PCCA: variants seen among roughly 807,000 people sequenced by gnomAD.
The protein encoded by PCCA is propionyl-CoA carboxylase subunit alpha.
Under a neutral mutation model 101.3 loss-of-function variants are expected in PCCA, and 74 were observed. That is an observed-to-expected ratio of 0.73 (90% confidence interval 0.61 to 0.89). The LOEUF (loss-of-function observed/expected upper bound fraction) is 0.89, where lower values mean the gene tolerates loss of function less well. PCCA is among the 40% of genes least tolerant of loss of function. The pLI, the probability that PCCA is intolerant of heterozygous loss-of-function variation, is 0.00. For missense variants in PCCA, 891 were observed against 907.0 expected, an observed-to-expected ratio of 0.98 and a Z score of 0.23; for synonymous variants, 294 against 313.6, an observed-to-expected ratio of 0.94 and a Z score of 0.66.
At chr13:100,471,818 C>T (rs567298140) in intron 21 of PCCA, among the ~76,000 whole-genome samples, 15 of 152,280 alleles carry the variant, frequency 9.9e-5, no homozygotes, top group East Asian at 7.7e-4. Context: ...TTCCCAATGG[C>T]GGTGCTTCTC....
chr13:100,331,193 C>T (rs2152735047), intron 17 of PCCA, among the ~76,000 whole-genome samples: 1 of 152,212 alleles, frequency 6.6e-6, no homozygotes, highest in East Asian at 1.9e-4. Context: ...AAGTTATCAG[C>T]AAGCATTTCC....
chr13:100,314,741 G>T (rs761235768), intron 16 of PCCA, among the ~76,000 whole-genome samples: 7 of 152,194 alleles, frequency 4.6e-5, no homozygotes, highest in Non-Finnish European at 8.8e-5. Flanking sequence ...CTTCAAACAT[G>T]TCAAGGTCAG....
intron 21 of PCCA, among the ~76,000 whole-genome samples, chr13:100,452,745 A>T (rs1373511868): frequency 6.6e-6 from 1 of 152,130 alleles, no homozygotes; most frequent in Non-Finnish European, 1.5e-5. Flanking sequence ...GGAAGTGATA[A>T]GCTCCTTGAG....
rs76027027 is a variant in PCCA at position 100,463,453 on chromosome 13, T to G, written c.1899+14148T>G. Among the ~76,000 whole-genome samples, 1,123 of 151,166 alleles carry G rather than the reference T, an allele frequency of 7.4e-3. 14 individuals are homozygous for G. The highest frequency in any genetic ancestry group is 0.026 in the African/African-American group (1,055 of 40,958). ...TACAATTCTATGTATTGGGCAGAAT[T>G]GAAGATAATTCTGAGATTTCTAGAG... On this transcript the variant is annotated intron_variant, in intron 21 of 23. Transcript: ENST00000376285.
intron 9 of PCCA, among the ~76,000 whole-genome samples, chr13:100,258,184 T>C (rs553956458): frequency 6.6e-6 from 1 of 152,214 alleles, no homozygotes; most frequent in Non-Finnish European, 1.5e-5. Context: ...CTGTGTCCTT[T>C]ATATGGAATG....
chr13:100,151,612 GAAAAC>G lies in PCCA; in HGVS notation c.301-3352_301-3348del, dbSNP rs896736005. Among the ~76,000 whole-genome samples, 26 of 150,836 alleles carry G rather than the reference GAAAAC, an allele frequency of 1.7e-4. No individual in the cohort carries two copies. The South Asian group carries it at 5.0e-3, about 29-fold the overall frequency. On this transcript the variant is annotated intron_variant, in intron 4 of 23. Transcript: ENST00000376285. ...TCTCAAAAAAAAAACCAAACAAACA[GAAAAC>G]AAAACAAAACAAAAAAAACCCTAAA...
At chr13:100,130,157 CACTTGAT>C (rs1174254832) in intron 4 of PCCA, among the ~76,000 whole-genome samples, 16 of 152,174 alleles carry the variant, frequency 1.1e-4, no homozygotes, top group Non-Finnish European at 1.9e-4. Context: ...CCAAGTTACC[CACTTGAT>C]ACCTGACTTG....
intron 19 of PCCA, among the ~76,000 whole-genome samples, chr13:100,378,002 G>A (rs763402078): frequency 9.9e-5 from 15 of 152,090 alleles, no homozygotes; most frequent in Non-Finnish European, 2.2e-4. Context: ...TCATTTGTGT[G>A]TTTGCCTTAC....
At chr13:100,242,545 C>T (rs1299120627) in intron 8 of PCCA, among the ~76,000 whole-genome samples, 4 of 152,024 alleles carry the variant, frequency 2.6e-5, no homozygotes. Context: ...CTAATTAGAC[C>T]TTATGGATAT....
chr13:100,149,882 T>TCTGG (rs775253656), intron 4 of PCCA, among the ~76,000 whole-genome samples: 29 of 152,356 alleles, frequency 1.9e-4, no homozygotes, highest in Non-Finnish European at 2.4e-4. Flanking sequence ...AAATATAACA[T>TCTGG]CTGGCCTAGC....
chr13:100,234,045 T>A (rs1436487387), intron 7 of PCCA, among the ~76,000 whole-genome samples: 1 of 152,242 alleles, frequency 6.6e-6, no homozygotes, highest in Admixed American at 6.5e-5. Flanking sequence ...AGCAGTTTAT[T>A]TTCTCTCATC....
intron 6 of PCCA, among the ~76,000 whole-genome samples, chr13:100,178,906 T>C (rs945381793): frequency 6.6e-6 from 1 of 151,492 alleles, no homozygotes; most frequent in Non-Finnish European, 1.5e-5. Flanking sequence ...TGAAACCCCA[T>C]CTCTACTAAA....
At chr13:100,363,550 C>T (rs886614492) in intron 18 of PCCA, among the ~76,000 whole-genome samples, 5 of 152,102 alleles carry the variant, frequency 3.3e-5, no homozygotes, top group African/African-American at 9.7e-5. Flanking sequence ...AGGCCTTTTT[C>T]TTCCTGCAAA....
intron 19 of PCCA, among the ~76,000 whole-genome samples, chr13:100,395,214 T>C (rs939894787): frequency 1.3e-4 from 20 of 152,354 alleles, no homozygotes; most frequent in African/African-American, 4.8e-4. Flanking sequence ...TGAAAACACA[T>C]AGTAATATAG....
intron 6 of PCCA, among the ~76,000 whole-genome samples, chr13:100,175,045 A>G (rs1317128312): frequency 1.3e-5 from 2 of 152,172 alleles, no homozygotes; most frequent in Non-Finnish European, 2.9e-5. Context: ...AACAGACTAT[A>G]ATCTTCTAAT....
chr13:100,186,947 T>G (rs1220376171), intron 6 of PCCA, among the ~76,000 whole-genome samples: 2 of 152,194 alleles, frequency 1.3e-5, no homozygotes, highest in Non-Finnish European at 2.9e-5. Flanking sequence ...AAATTTTCAA[T>G]GGATAATTGA....
At chr13:100,417,303 T>C (rs2078439676) in intron 19 of PCCA, among the ~76,000 whole-genome samples, 1 of 152,238 alleles carries the variant, frequency 6.6e-6, no homozygotes, top group Non-Finnish European at 1.5e-5. Context: ...GCCAATAGTT[T>C]AAATTAGCAT....
At chr13:100,352,580 G>A (rs71439659) in intron 18 of PCCA, among the ~76,000 whole-genome samples, 2,074 of 152,044 alleles carry the variant, frequency 0.014, 29 homozygotes, top group Non-Finnish European at 0.023. Context: ...TTTAAATAGA[G>A]ATGAGGTCTT....
chr13:100,138,791 C>T (rs1379096170), intron 4 of PCCA, among the ~76,000 whole-genome samples: 1 of 151,806 alleles, frequency 6.6e-6, no homozygotes, highest in Non-Finnish European at 1.5e-5. Flanking sequence ...AAAAATTAGC[C>T]AGGCGCAGTG....
Sources: allele counts gnomAD v4.1 joint callset (sites outside exome capture counted in the v4.1 genomes callset), GRCh38; gene constraint gnomAD v4.1.1; transcripts MANE v1.5; gene names NCBI Gene and HGNC (gene_info 2026-07-23, HGNC 2026-07-21).